MMP28: variants seen among roughly 807,000 people sequenced by gnomAD.
The protein encoded by MMP28 is matrix metalloproteinase-28.
In MMP28, 55 loss-of-function variants were observed where a neutral mutation model predicts 60.5. The observed-to-expected ratio is 0.91, with a 90% confidence interval of 0.73 to 1.14. MMP28 has a LOEUF of 1.14. Among genes scored for constraint, MMP28 ranks in the 50% most tolerant of loss-of-function variants. The pLI is 0.00. For missense variants in MMP28, 686 were observed against 738.3 expected (o/e 0.93, Z 0.82); for synonymous variants, 318 against 312.5 (o/e 1.02, Z -0.18).
chr17:35,760,828 C>T (rs1700605859), intron 2 of MMP28: 7 of 1,291,848 alleles, frequency 5.4e-6, no homozygotes, highest in Non-Finnish European at 7.8e-6. Context: ...GTTCTAGCCC[C>T]ACCCCTTGTG....
intron 1 of MMP28, among the ~76,000 whole-genome samples, 197 bp from the exon 2 acceptor site, chr17:35,779,520 C>G (rs760430180): frequency 2.0e-5 from 3 of 152,168 alleles, no homozygotes; most frequent in Non-Finnish European, 4.4e-5. Flanking sequence ...CACTGACTAG[C>G]TGATGATCTC....
In MMP28 at chr17:35,768,369, TA is replaced by T. The variant is rs1369459406; in HGVS notation, c.860del (p.Leu287GlnfsTer47). ...GGAGCTGGACGGCCACTGAGCCCCC[TA>T]GGGGCTTCCCTTTGTGAGTAAGGAA... ...LAVQSLYGKP[L>X]GGSVAVQLPG... is the part of the protein sequence containing the mutation. On this transcript the variant is annotated frameshift_variant, in exon 6 of 8. Coordinates refer to ENST00000605424, the MANE Select transcript of MMP28 (RefSeq NM_024302.5). LOFTEE classifies it high-confidence loss of function. 6.2e-7 allele frequency: 1 copy of T among 1,603,824 alleles called. No individual in the cohort carries two copies. Among genetic ancestry groups the T allele is most frequent in the African/African-American group, 1.4e-5 (1 of 74,028 alleles).
chr17:35,795,251 G>A lies in MMP28; in HGVS notation c.111+16C>T, dbSNP rs748835623. The A allele has an allele frequency of 8.7e-5, 122 of 1,394,522 alleles. No individual in the cohort carries two copies. The highest frequency in any genetic ancestry group is 1.1e-4 in the Non-Finnish European group (120 of 1,072,530). The allele number at this position is 1,394,522 out of a possible 1,614,324, so 86.4% of individuals were successfully genotyped here. On this transcript the variant is annotated intron_variant, in intron 1 of 7. Coordinates refer to ENST00000605424, the MANE Select transcript of MMP28 (RefSeq NM_024302.5). ...CAAGCACACGCACCGCTCTCCGCCA[G>A]GTACACACGGCGTACCTCCGCCTCC...
chr17:35,757,525 T>A (rs1182171589), intron 2 of MMP28: 1 of 152,234 alleles, frequency 6.6e-6, no homozygotes, highest in African/African-American at 2.4e-5. Context: ...GGGCCCTTAA[T>A]AACTCCATCA....
chr17:35,774,297 TGCAAACTCAGGGGCTGG>T (rs1222700422), intron 3 of MMP28, among the ~76,000 whole-genome samples: 2 of 152,128 alleles, frequency 1.3e-5, no homozygotes, highest in Admixed American at 1.3e-4. Context: ...TTCTGAGCCC[TGCAAACTCAGGGGCTGG>T]GATTGTAACC....
At chr17:35,792,965 A>G (rs2143641040) in intron 1 of MMP28, among the ~76,000 whole-genome samples, 1 of 152,336 alleles carries the variant, frequency 6.6e-6, no homozygotes, top group East Asian at 1.9e-4. Context: ...TGGTTTACGT[A>G]TGGGTTTGTC....
At chr17:35,794,915 G>A (rs545798704) in intron 1 of MMP28, among the ~76,000 whole-genome samples, 1 of 152,178 alleles carries the variant, frequency 6.6e-6, no homozygotes, top group African/African-American at 2.4e-5. Flanking sequence ...GCTTCCACAC[G>A]GTTCGGGGGC....
At position 35,776,032 on chromosome 17, in the gene MMP28, G is replaced by A. The variant is rs899517882; in HGVS notation, c.380-2628C>T. On this transcript the variant is annotated intron_variant, in intron 3 of 7. Transcript: ENST00000605424. ...TGGGACTACAGGCACCCCCCACCACGCCTGGCTAATTTTTTGTACTTTTAG... is the reference window on the plus strand; with the variant it reads ...TGGGACTACAGGCACCCCCCACCACACCTGGCTAATTTTTTGTACTTTTAG... 4.0e-5 allele frequency among the ~76,000 whole-genome samples: 6 copies of A among 151,588 alleles called. No individual in the cohort carries two copies. In the East Asian group the frequency reaches 1.2e-3, roughly 30 times the overall value.
At chr17:35,772,682 G>A (rs949950972) in intron 4 of MMP28, among the ~76,000 whole-genome samples, 1 of 152,212 alleles carries the variant, frequency 6.6e-6, no homozygotes, top group Non-Finnish European at 1.5e-5. Flanking sequence ...GAGTCTTCAG[G>A]TTGGGGACAA....
chr17:35,765,811 A>T, downstream of MMP28: 2 of 980,922 alleles, frequency 2.0e-6, no homozygotes, highest in South Asian at 9.4e-5. Flanking sequence ...CCCTGCACCC[A>T]TGCCCACCTG....
In MMP28 at chr17:35,779,428, T is replaced by A. The variant is rs188259151; in HGVS notation, c.112-105A>T. The A allele has an allele frequency of 3.5e-4, 322 of 930,994 alleles. 2 individuals are homozygous for A. The African/African-American group carries it at 4.2e-3, about 12-fold the overall frequency. The allele number at this position is 930,994 out of a possible 1,614,324, so 57.7% of individuals were successfully genotyped here. ...TCCTGCCCAGTCTCACCTCTTGTCT[T>A]TTGCCCAAGAGGGTCTATAAGCTAT... On this transcript the variant is annotated intron_variant, in intron 1 of 7. Transcript: ENST00000605424.
intron 1 of MMP28, among the ~76,000 whole-genome samples, chr17:35,783,761 G>T (rs780800802): frequency 6.6e-6 from 1 of 152,072 alleles, no homozygotes; most frequent in East Asian, 1.9e-4. Flanking sequence ...CAGGCAAGAC[G>T]GGGTGGAGGG....
chr17:35,775,931 T>C (rs367612383), intron 3 of MMP28, among the ~76,000 whole-genome samples: 1 of 152,146 alleles, frequency 6.6e-6, no homozygotes, highest in African/African-American at 2.4e-5. Context: ...TGGAGTGCAG[T>C]GGTGCCATCC....
At chr17:35,764,096 G>A (rs587685999), downstream of MMP28, 3 of 1,550,342 alleles carry the variant, frequency 1.9e-6, no homozygotes, top group African/African-American at 4.1e-5. Context: ...GTCGGAGGAC[G>A]AGGACGAGGA....
At chr17:35,763,464 G>A (rs2085865737), downstream of MMP28, among the ~76,000 whole-genome samples, 1 of 133,568 alleles carries the variant, frequency 7.5e-6, no homozygotes. Context: ...TTTTTTTGGA[G>A]CGAAATAAAA....
chr17:35,788,613 T>C (rs1222203246), intron 1 of MMP28, among the ~76,000 whole-genome samples: 1 of 151,982 alleles, frequency 6.6e-6, no homozygotes, highest in Non-Finnish European at 1.5e-5. Context: ...TCACAAAAAG[T>C]CAAACGAATG....
chr17:35,794,546 T>C (rs999728341), intron 1 of MMP28, among the ~76,000 whole-genome samples: 2 of 152,056 alleles, frequency 1.3e-5, no homozygotes, highest in African/African-American at 2.4e-5. Flanking sequence ...GCGTCCGGCC[T>C]ACACTTTTAT....
intron 4 of MMP28, among the ~76,000 whole-genome samples, chr17:35,771,713 AT>A (rs2086152799): frequency 8.9e-5 from 3 of 33,660 alleles, no homozygotes; most frequent in Non-Finnish European, 1.7e-4. Context: ...ATATATATAT[AT>A]ATATATATAT....
At position 35,766,524 on chromosome 17, in the gene MMP28, G is replaced by T; in HGVS notation, c.1539C>A (p.Ala513=). ...TELPWMGCWH[A]NSGSALF ...TTCAGAACAGGGCGCTCCCCGAGTTGGCATGCCAGCAGCCCATCCAGGGCA... is the reference window on the plus strand; with the variant it reads ...TTCAGAACAGGGCGCTCCCCGAGTTTGCATGCCAGCAGCCCATCCAGGGCA... Residue 513 remains alanine, a synonymous_variant, in exon 8 of 8, where the codon GCC becomes GCA. Coordinates refer to ENST00000605424, the MANE Select transcript of MMP28 (RefSeq NM_024302.5). This position sits in a 1 kb window ranked among gnomAD's most constrained non-coding sequence, Gnocchi z 4.3. 6.3e-7 allele frequency: 1 copy of T among 1,598,556 alleles called. No individual in the cohort carries two copies. Among genetic ancestry groups the T allele is most frequent in the South Asian group, 1.1e-5 (1 of 90,296 alleles).
Sources: allele counts gnomAD v4.1 joint callset (sites outside exome capture counted in the v4.1 genomes callset), GRCh38; gene constraint gnomAD v4.1.1; non-coding constraint Gnocchi (gnomAD v3.1); transcripts MANE v1.5; gene names NCBI Gene and HGNC (gene_info 2026-07-23, HGNC 2026-07-21).